HOGA1: variants seen among roughly 807,000 people sequenced by gnomAD.
The protein encoded by HOGA1 is 4-hydroxy-2-oxoglutarate aldolase, mitochondrial.
HOGA1 carries 30 observed loss-of-function variants against 34.3 expected under a neutral mutation model. The observed-to-expected ratio is 0.87, with a 90% confidence interval of 0.65 to 1.19. HOGA1 has a LOEUF of 1.19. Ranked by LOEUF, HOGA1 falls within the 50% of genes most tolerant of loss-of-function variation. HOGA1 has a pLI of 0.00. For missense variants in HOGA1, 417 were observed against 436.5 expected, an observed-to-expected ratio of 0.96 and a Z score of 0.40; for synonymous variants, 161 against 174.0, an observed-to-expected ratio of 0.93 and a Z score of 0.59.
chr10:97,594,471 C>T (rs140174238), intron 1 of HOGA1, among the ~76,000 whole-genome samples: 9 of 152,080 alleles, frequency 5.9e-5, no homozygotes, highest in South Asian at 2.1e-4. Context: ...TCTCCTGCCT[C>T]GGCCTCCTGA....
chr10:97,590,457 A>AGG, intron 1 of HOGA1: 1 of 1,613,862 alleles, frequency 6.2e-7, no homozygotes, highest in Non-Finnish European at 8.5e-7. Context: ...ACCCAGCGGG[A>AGG]AAACACCATA....
Position 97,611,771 on chromosome 10 carries a change from T to C in HOGA1, c.*112T>C, listed in dbSNP as rs1014075770. ...AGGGTGGCAGGCAGCGGGGAGCCGA[T>C]AGAGGCTCCTTTGCCTGCTGTGGTC... On this transcript the variant is annotated 3_prime_UTR_variant, in exon 7 of 7. Coordinates refer to ENST00000370646, the MANE Select transcript of HOGA1 (RefSeq NM_138413.4). 6.7e-6 allele frequency: 9 copies of C among 1,334,400 alleles called. No homozygotes were observed. Among genetic ancestry groups the C allele is most frequent in the African/African-American group, 5.8e-5 (4 of 69,146 alleles). 82.7% of individuals were successfully genotyped at this position (1,334,400 alleles called of 1,614,324 possible). A position where few individuals can be genotyped will look rare whatever the true frequency, so the allele number is the denominator to read the frequency against.
chr10:97,605,023 G>A (rs2041146363), intron 6 of HOGA1, among the ~76,000 whole-genome samples: 1 of 151,896 alleles, frequency 6.6e-6, no homozygotes. Context: ...TTCATGAACA[G>A]GTTTTCGTGT....
At chr10:97,611,385 T>C (rs1034188694) in intron 6 of HOGA1, 125 bp from the exon 7 acceptor site, 20 of 1,054,034 alleles carry the variant, frequency 1.9e-5, no homozygotes, top group Middle Eastern at 2.1e-4. Context: ...TGCCATAGAG[T>C]TGGCAGTTAC....
At chr10:97,602,069 G>A (rs1279886556) in intron 6 of HOGA1, 79 bp downstream of exon 6, 1 of 1,556,438 alleles carries the variant, frequency 6.4e-7, no homozygotes, top group East Asian at 2.4e-5. Context: ...CCCAGGGCTG[G>A]CACCAGGCCC....
rs1353010901 is a variant in HOGA1, at chr10:97,599,679, G to C, written c.469-1G>C. ...GCTTTTCTCTGCGCCCCCCTCCCCA[G>C]GTTGCTGATCTCTCTCCAATCCCTG... On this transcript the variant is annotated splice_acceptor_variant, in intron 3 of 6. Transcript: ENST00000370646. LOFTEE classifies it high-confidence loss of function. 1 of 1,614,074 alleles carries C rather than the reference G, an allele frequency of 6.2e-7. No homozygotes were observed. Among genetic ancestry groups the C allele is most frequent in the South Asian group, 1.1e-5 (1 of 91,066 alleles).
chr10:97,608,609 A>G (rs1158197377), intron 6 of HOGA1, among the ~76,000 whole-genome samples: 1 of 152,194 alleles, frequency 6.6e-6, no homozygotes, highest in Admixed American at 6.5e-5. Flanking sequence ...GTTCGAGATC[A>G]GCCTGGCCAA....
chr10:97,603,761 C>T lies in HOGA1; in HGVS notation c.834+1771C>T, dbSNP rs759124103. Among the ~76,000 whole-genome samples the T allele has an allele frequency of 3.3e-5, 5 of 151,966 alleles. No homozygotes were observed. Among genetic ancestry groups the T allele is most frequent in the Non-Finnish European group, 4.4e-5 (3 of 67,996 alleles). The stretch of plus-strand genomic sequence containing the variant: ...TGCTTTTAGTGAAGACGGGTTTCAC[C>T]ATGTTGGCCAGGCTGGCCTCGAACT... On this transcript the variant is annotated intron_variant, in intron 6 of 6. Transcript: ENST00000370646. This position sits in a 1 kb window ranked among gnomAD's most constrained non-coding sequence, Gnocchi z 4.5.
At chr10:97,597,141 T>C (rs999891046) in intron 1 of HOGA1, among the ~76,000 whole-genome samples, 3 of 151,944 alleles carry the variant, frequency 2.0e-5, no homozygotes, top group African/African-American at 7.2e-5. Context: ...GGTCTTGCTC[T>C]GTCACCCAGG....
chr10:97,601,900 T>C lies in HOGA1; in HGVS notation c.744T>C (p.Ala248=). Residue 248 remains alanine (A), a synonymous_variant, in exon 6 of 7, where the codon GCT becomes GCC. Transcript: ENST00000370646. ...GVCALANVLG[A]QVCQLERLCC... is the part of the protein sequence containing the mutation. Reference sequence around the variant, plus strand: ...GCGCCCTGGCCAATGTCCTGGGGGCTCAGGTGTGCCAGCTGGAGCGACTGT... The same window carrying C: ...GCGCCCTGGCCAATGTCCTGGGGGCCCAGGTGTGCCAGCTGGAGCGACTGT... 1.2e-6 allele frequency: 2 copies of C among 1,612,688 alleles called. No individual in the cohort carries two copies. Among genetic ancestry groups the C allele is most frequent in the East Asian group, 4.5e-5 (2 of 44,868 alleles).
chr10:97,610,080 T>A (rs1411343940), intron 6 of HOGA1, among the ~76,000 whole-genome samples: 1 of 152,250 alleles, frequency 6.6e-6, no homozygotes, highest in Non-Finnish European at 1.5e-5. Flanking sequence ...AAGATTCATC[T>A]AATATTTCTG....
rs553100036 is a variant in HOGA1 at position 97,612,144 on chromosome 10, C to A, written c.*485C>A. ...CCTCCCGAGTAGCTGGGATTACAGG[C>A]GCCTGCCACCACGCCCAGCTAATTT... On this transcript the variant is annotated 3_prime_UTR_variant, in exon 7 of 7. Transcript: ENST00000370646. 1.6e-4 allele frequency: 25 copies of A among 154,646 alleles called. No homozygotes were observed. Among genetic ancestry groups the A allele is most frequent in the Non-Finnish European group, 3.1e-4 (22 of 70,052 alleles). 9.6% of individuals were successfully genotyped at this position (154,646 alleles called of 1,614,324 possible). A position where few individuals can be genotyped will look rare whatever the true frequency, so the allele number is the denominator to read the frequency against.
Position 97,584,811 on chromosome 10 carries a change from G to C in HOGA1, c.108G>C (p.Ala36=). Residue 36 remains alanine, a synonymous_variant, in exon 1 of 7, where the codon GCG becomes GCC. Coordinates refer to ENST00000370646, the MANE Select transcript of HOGA1 (RefSeq NM_138413.4). ...ASGEGKKVDI[A]GIYPPVTTPF... ...GGGAGGGGAAGAAGGTGGACATTGC[G>C]GGTATCTACCCCCCTGTGACCACCC... 1 of 1,614,044 alleles carries C rather than the reference G, an allele frequency of 6.2e-7. No homozygotes were observed.
rs1564753639 is a variant in HOGA1, at chr10:97,584,793, G to A, written c.90G>A (p.Gly30=). 6.2e-7 allele frequency: 1 copy of A among 1,613,942 alleles called. No individual in the cohort carries two copies. Among genetic ancestry groups the A allele is most frequent in the East Asian group, 2.2e-5 (1 of 44,818 alleles). The part of the protein sequence containing the change: ...RNVGVWASGE[G]KKVDIAGIYP... Reference sequence around the variant, plus strand: ...TGGGGGTCTGGGCCTCAGGGGAGGGGAAGAAGGTGGACATTGCGGGTATCT... The same window carrying A: ...TGGGGGTCTGGGCCTCAGGGGAGGGAAAGAAGGTGGACATTGCGGGTATCT... Residue 30 remains glycine (G), a synonymous_variant, in exon 1 of 7, where the codon GGG becomes GGA. Transcript: ENST00000370646.
At chr10:97,597,020 T>G (rs1262883583) in intron 1 of HOGA1, among the ~76,000 whole-genome samples, 1 of 152,174 alleles carries the variant, frequency 6.6e-6, no homozygotes, top group African/African-American at 2.4e-5. Flanking sequence ...AATTTCTGGC[T>G]CATTTCTCAC....
At chr10:97,585,580 G>A (rs180806836) in intron 1 of HOGA1, among the ~76,000 whole-genome samples, 4 of 152,318 alleles carry the variant, frequency 2.6e-5, no homozygotes, top group Admixed American at 2.6e-4. Context: ...AATCCCCTGA[G>A]GCAGTGCTCT....
intron 1 of HOGA1, among the ~76,000 whole-genome samples, chr10:97,595,663 C>T (rs1389946939): frequency 6.6e-6 from 1 of 152,214 alleles, no homozygotes; most frequent in African/African-American, 2.4e-5. Context: ...CCACTGCACT[C>T]CAGCCTGGGC....
intron 3 of HOGA1, chr10:97,599,425 G>A: frequency 1.4e-6 from 1 of 715,558 alleles, no homozygotes; most frequent in Admixed American, 2.5e-5. Context: ...GATGTCATCT[G>A]TCTCATAGGG....
At chr10:97,590,533 C>G (rs2041013219) in intron 1 of HOGA1, 4 of 1,612,388 alleles carry the variant, frequency 2.5e-6, no homozygotes, top group Non-Finnish European at 3.4e-6. Context: ...GCCACCCAAG[C>G]CACCAGAGCC....
Sources: gnomAD v4.1 joint callset for allele counts (sites outside exome capture counted in the v4.1 genomes callset) on GRCh38, gnomAD v4.1.1 for gene constraint, Gnocchi (gnomAD v3.1) non-coding constraint, MANE v1.5 for transcripts, NCBI Gene and HGNC (gene_info 2026-07-23, HGNC 2026-07-21) for gene names.